CNTNAP5: variants seen among roughly 807,000 people sequenced by gnomAD.
The protein encoded by CNTNAP5 is contactin associated protein family member 5, also known as contactin-associated protein-like 5.
In CNTNAP5, 72 loss-of-function variants were observed where a neutral mutation model predicts 150.2. That is an observed-to-expected ratio of 0.48 (90% confidence interval 0.40 to 0.58). The LOEUF (loss-of-function observed/expected upper bound fraction) is 0.58. Among genes scored for constraint, CNTNAP5 ranks in the 20% least tolerant of loss-of-function variants. The pLI is 0.00. For missense variants in CNTNAP5, 1,636 were observed against 1,626.2 expected (o/e 1.01, Z -0.10); for synonymous variants, 672 against 619.8 (o/e 1.08, Z -1.25).
At chr2:124,748,434 G>GT (rs1343750984) in intron 14 of CNTNAP5, among the ~76,000 whole-genome samples, 1 of 152,112 alleles carries the variant, frequency 6.6e-6, no homozygotes, top group Admixed American at 6.6e-5. Flanking sequence ...TGAACTGCTA[G>GT]TTTTTTACTG....
At chr2:124,148,718 A>G (rs901901571) in intron 1 of CNTNAP5, among the ~76,000 whole-genome samples, 3 of 150,862 alleles carry the variant, frequency 2.0e-5, no homozygotes, top group Admixed American at 2.0e-4. Flanking sequence ...CAAACTATTG[A>G]TAATGCTCTT....
intron 14 of CNTNAP5, among the ~76,000 whole-genome samples, chr2:124,756,563 C>A (rs1437928553): frequency 6.6e-6 from 1 of 152,122 alleles, no homozygotes; most frequent in Non-Finnish European, 1.5e-5. Flanking sequence ...TACATATATA[C>A]CATGAAATAC....
intron 10 of CNTNAP5, among the ~76,000 whole-genome samples, chr2:124,542,053 C>T (rs1695399168): frequency 6.6e-6 from 1 of 151,886 alleles, no homozygotes; most frequent in African/African-American, 2.4e-5. Flanking sequence ...TATATCTCTC[C>T]CACCTCCCCA....
intron 7 of CNTNAP5, among the ~76,000 whole-genome samples, chr2:124,486,049 C>G (rs1253648594): frequency 1.3e-5 from 2 of 152,080 alleles, no homozygotes; most frequent in Non-Finnish European, 2.9e-5. Context: ...AAATATAGAA[C>G]CAGCCTAAAT....
In CNTNAP5 at chr2:124,592,671, C is replaced by T. The variant is rs1696721835; in HGVS notation, c.1757-17130C>T. ...AAAAGGCCTTTCCCCTATAATATAA[C>T]TAATATTCTCATTTTCATTAGCACT... On this transcript the variant is annotated intron_variant, in intron 11 of 23. Transcript: ENST00000682447. Among the ~76,000 whole-genome samples, 2 of 151,960 alleles carry T rather than the reference C, an allele frequency of 1.3e-5. 1 individual carries two copies. The highest frequency in any genetic ancestry group is 4.1e-4 in the South Asian group (2 of 4,824).
Position 124,611,665 on chromosome 2 carries a change from C to A in CNTNAP5, c.1876+1745C>A, listed in dbSNP as rs1055490195. 9.9e-5 allele frequency among the ~76,000 whole-genome samples: 15 copies of A among 152,168 alleles called. No individual in the cohort carries two copies. In the South Asian group the frequency reaches 1.2e-3, roughly 13 times the overall value. ...CAGAAATTCCAATTCAGTAAATGCA[C>A]TTTTACTGAGCTTTTCAAGTGATTC... On this transcript the variant is annotated intron_variant, in intron 12 of 23. Transcript: ENST00000682447.
At chr2:124,211,082 C>G (rs1170635) in intron 1 of CNTNAP5, among the ~76,000 whole-genome samples, 69,547 of 151,916 alleles carry the variant, frequency 0.46, 16,132 homozygotes, top group East Asian at 0.6. Context: ...AAAAAGTATA[C>G]TATGTTTGGT....
chr2:124,786,352 GAAGAAAGAAAGAAAGAAAGA>G (rs1207108942), intron 17 of CNTNAP5, among the ~76,000 whole-genome samples: 20 of 59,216 alleles, frequency 3.4e-4, no homozygotes, highest in South Asian at 6.7e-4. Context: ...AGAAAGAAAG[GAAGAAAGAAAGAAAGAAAGA>G]AAGAAAGAAA....
At chr2:124,793,831 C>T (rs1438811719) in intron 18 of CNTNAP5, among the ~76,000 whole-genome samples, 1 of 152,082 alleles carries the variant, frequency 6.6e-6, no homozygotes, top group East Asian at 1.9e-4. Context: ...ACTTGGGTAC[C>T]ACTGTCATAG....
chr2:124,805,704 A>G (rs1298120207), intron 19 of CNTNAP5, among the ~76,000 whole-genome samples: 2 of 152,220 alleles, frequency 1.3e-5, no homozygotes, highest in Non-Finnish European at 2.9e-5. Flanking sequence ...TGAATGACAT[A>G]AACAACAACA....
At chr2:124,508,842 C>A (rs1382043583) in intron 8 of CNTNAP5, among the ~76,000 whole-genome samples, 4 of 152,148 alleles carry the variant, frequency 2.6e-5, no homozygotes, top group African/African-American at 7.2e-5. Context: ...GAAGAACTAA[C>A]AAATAATCAA....
At chr2:124,661,250 A>G (rs2105045226) in intron 13 of CNTNAP5, among the ~76,000 whole-genome samples, 1 of 152,296 alleles carries the variant, frequency 6.6e-6, no homozygotes, top group East Asian at 1.9e-4. Flanking sequence ...TTATAATAAC[A>G]CAACTGAAAA....
intron 12 of CNTNAP5, among the ~76,000 whole-genome samples, chr2:124,640,027 G>A (rs58911027): frequency 0.01 from 1,569 of 152,142 alleles, 27 homozygotes; most frequent in African/African-American, 0.036. Flanking sequence ...CCTGAGCTCA[G>A]GGTCCAGCCT....
Position 124,205,033 on chromosome 2 carries a change from T to C in CNTNAP5, c.83-16672T>C, listed in dbSNP as rs542509650. On this transcript the variant is annotated intron_variant, in intron 1 of 23. Coordinates refer to ENST00000682447, the MANE Select transcript of CNTNAP5 (RefSeq NM_001367498.1). The stretch of plus-strand genomic sequence containing the variant: ...AAGAAAATTTTAATTTTCAAGAAAG[T>C]CAAAGCCATTAGTTGTAGCCCTAGA... Among the ~76,000 whole-genome samples the C allele has an allele frequency of 1.7e-4, 26 of 152,256 alleles. No homozygotes were observed. In the South Asian group the frequency reaches 5.4e-3, roughly 32 times the overall value.
chr2:124,500,727 C>T (rs1393221280), intron 7 of CNTNAP5, among the ~76,000 whole-genome samples: 1 of 151,270 alleles, frequency 6.6e-6, no homozygotes, highest in Non-Finnish European at 1.5e-5. Context: ...TCCCTAGGGG[C>T]AAATGTCTAC....
At chr2:124,232,392 T>G (rs1222997549) in intron 2 of CNTNAP5, among the ~76,000 whole-genome samples, 2 of 152,162 alleles carry the variant, frequency 1.3e-5, no homozygotes, top group African/African-American at 4.8e-5. Flanking sequence ...CTGGATATGT[T>G]GTTGGATACT....
intron 10 of CNTNAP5, among the ~76,000 whole-genome samples, chr2:124,531,167 G>A (rs1695097356): frequency 6.6e-6 from 1 of 152,048 alleles, no homozygotes; most frequent in South Asian, 2.1e-4. Context: ...ATTCTCATAA[G>A]GAGTGTGCAA....
At chr2:124,599,189 T>C (rs903783495) in intron 11 of CNTNAP5, among the ~76,000 whole-genome samples, 1 of 152,216 alleles carries the variant, frequency 6.6e-6, no homozygotes, top group Non-Finnish European at 1.5e-5. Flanking sequence ...TTTAAATCTC[T>C]GATTCAATTA....
chr2:124,396,106 A>C (rs1691236538), intron 3 of CNTNAP5, among the ~76,000 whole-genome samples: 1 of 152,230 alleles, frequency 6.6e-6, no homozygotes. Flanking sequence ...TAAGACTCAA[A>C]GCAGAACAGG....
Sources: allele counts gnomAD v4.1 joint callset (sites outside exome capture counted in the v4.1 genomes callset), GRCh38; gene constraint gnomAD v4.1.1; transcripts MANE v1.5; gene names NCBI Gene and HGNC (gene_info 2026-07-23, HGNC 2026-07-21).